The following CETP variants were observed in gnomAD, a reference collection of about 807,000 sequenced individuals.
CETP encodes BPI fold containing family F.
Under a neutral mutation model 66.5 loss-of-function variants are expected in CETP, and 56 were observed. That is an observed-to-expected ratio of 0.84 (90% CI 0.68 to 1.05). CETP has a LOEUF of 1.05. CETP is among the 50% of genes least tolerant of loss of function. The probability of loss-of-function intolerance (pLI) is 0.00; values close to 1 mark genes in which losing one functional copy is unlikely to be tolerated. For missense variants in CETP, 612 were observed against 609.6 expected (o/e 1.00, Z -0.04); for synonymous variants, 251 against 245.7 (o/e 1.02, Z -0.20).
chr16:56,974,404 G>A (rs1477055734), intron 9 of CETP, among the ~76,000 whole-genome samples: 1 of 152,172 alleles, frequency 6.6e-6, no homozygotes, highest in East Asian at 1.9e-4. Context: ...AGCTATGATG[G>A]CACCACTGCA....
rs1046780623 is a variant in CETP at position 56,978,342 on chromosome 16, C to T, written c.1146+87C>T. The T allele has an allele frequency of 1.5e-5, 22 of 1,503,412 alleles. 1 individual carries two copies. The highest frequency in any genetic ancestry group is 3.7e-4 in the Middle Eastern group (2 of 5,458). 93.1% of individuals were successfully genotyped at this position (1,503,412 alleles called of 1,614,324 possible). ...GGCAGGGGCCTGGGGGTCTCTGAAG[C>T]CTCCAGATCCTTCTCACCACCTCTG... On this transcript the variant is annotated intron_variant, in intron 11 of 15. Coordinates refer to ENST00000200676, the MANE Select transcript of CETP (RefSeq NM_000078.3).
At chr16:56,967,829 T>A (rs887034975) in intron 2 of CETP, among the ~76,000 whole-genome samples, 5 of 152,036 alleles carry the variant, frequency 3.3e-5, no homozygotes, top group African/African-American at 9.7e-5. Context: ...AGCCAGGCAG[T>A]GTTGGTGCAT....
Position 56,973,314 on chromosome 16 carries a change from G to A in CETP, c.751-17G>A, listed in dbSNP as rs202228107. ...TAGGGACACACAGGGTCCAGCCAGC[G>A]TCCTGGCTTCCTCCAGGGTCATTTC... On this transcript the variant is annotated splice_polypyrimidine_tract_variant and intron_variant, in intron 8 of 15. Coordinates refer to ENST00000200676, the MANE Select transcript of CETP (RefSeq NM_000078.3). 1.8e-4 allele frequency: 295 copies of A among 1,613,776 alleles called. 3 individuals carry two copies. In the East Asian group the frequency reaches 5.2e-3, roughly 28 times the overall value.
chr16:56,982,680 G>A (rs1017831352), intron 14 of CETP, among the ~76,000 whole-genome samples: 12 of 152,100 alleles, frequency 7.9e-5, no homozygotes, highest in African/African-American at 2.9e-4. Flanking sequence ...GAGGTGACTC[G>A]GATGGTAGAC....
At position 56,973,477 on chromosome 16, in the gene CETP, C is replaced by T; in HGVS notation, c.897C>T (p.Arg299=). The T allele has an allele frequency of 6.2e-7, 1 of 1,614,196 alleles. No individual in the cohort carries two copies. The highest frequency in any genetic ancestry group is 1.1e-5 in the South Asian group (1 of 91,088). ...CCAAGGTAGCTTTCCAGGATGGCCG[C>T]CTCATGCTCAGCCTGATGGGAGACG... ...SLAKVAFQDG[R]LMLSLMGDEF... is the part of the protein sequence containing the mutation. The change falls in exon 9 of 16, where the codon CGC becomes CGT. Residue 299 remains arginine (R), a synonymous_variant. Transcript: ENST00000200676.
intron 2 of CETP, among the ~76,000 whole-genome samples, chr16:56,966,590 GGTTTTTTT>G (rs1403306776): frequency 2.0e-5 from 3 of 151,940 alleles, no homozygotes; most frequent in South Asian, 4.2e-4. Context: ...TTTGTTTGTG[GGTTTTTTT>G]GTTTTTTTGT....
In CETP at chr16:56,981,233, C is replaced by T. The variant is rs766316135; in HGVS notation, c.1214+8C>T. On this transcript the variant is annotated splice_region_variant and intron_variant, in intron 12 of 15. Coordinates refer to ENST00000200676, the MANE Select transcript of CETP (RefSeq NM_000078.3). ...AAGCCTCTTGGATTTCCAGTATGTG[C>T]TGCAGAGAAGAGAGGGGGCGGTCAA... 6 of 1,607,450 alleles carry T rather than the reference C, an allele frequency of 3.7e-6. No individual in the cohort carries two copies. The highest frequency in any genetic ancestry group is 5.1e-6 in the Non-Finnish European group (6 of 1,173,902).
intron 2 of CETP, 150 bp downstream of exon 2, chr16:56,963,274 T>A: frequency 1.5e-6 from 1 of 679,260 alleles, no homozygotes; most frequent in Non-Finnish European, 2.7e-6. Context: ...ACACCTTCCC[T>A]ACCCCCACCC....
At chr16:56,980,962 C>G (rs575368420) in intron 11 of CETP, among the ~76,000 whole-genome samples, 196 bp from the exon 12 acceptor site, 1 of 152,252 alleles carries the variant, frequency 6.6e-6, no homozygotes, top group Non-Finnish European at 1.5e-5. Flanking sequence ...AGTGACTTCT[C>G]AGGTCCTAAC....
At chr16:56,968,627 A>C (rs1183309238) in intron 2 of CETP, among the ~76,000 whole-genome samples, 1 of 152,120 alleles carries the variant, frequency 6.6e-6, no homozygotes, top group African/African-American at 2.4e-5. Context: ...ATTTGTTGAC[A>C]TACAATTGTT....
At chr16:56,970,651 TCATGTTACCAATG>T (rs777211754) in intron 5 of CETP, among the ~76,000 whole-genome samples, 4 of 152,234 alleles carry the variant, frequency 2.6e-5, no homozygotes, top group Non-Finnish European at 4.4e-5. Context: ...GAGTCCCTAG[TCATGTTACCAATG>T]CCAAACCTGG....
At chr16:56,969,884 G>A in intron 4 of CETP, 30 bp from the exon 5 acceptor site, 1 of 1,609,868 alleles carries the variant, frequency 6.2e-7, no homozygotes, top group Non-Finnish European at 8.5e-7. Context: ...AGCGGAGGCT[G>A]CCCTGAGGTC....
chr16:56,981,091 G>T, intron 11 of CETP, 67 bp from the exon 12 acceptor site: 1 of 1,180,538 alleles, frequency 8.5e-7, no homozygotes. Flanking sequence ...GGGGCCCTGA[G>T]CTAGGAGGGT....
At chr16:56,974,681 A>G (rs1416789465) in intron 9 of CETP, among the ~76,000 whole-genome samples, 1 of 152,194 alleles carries the variant, frequency 6.6e-6, no homozygotes, top group Non-Finnish European at 1.5e-5. Context: ...CTGTTTTGCA[A>G]ACAAAAAAAC....
intron 11 of CETP, among the ~76,000 whole-genome samples, chr16:56,978,626 A>T (rs1451408229): frequency 2.0e-5 from 3 of 151,648 alleles, no homozygotes; most frequent in Non-Finnish European, 4.4e-5. Flanking sequence ...GACCACAGAC[A>T]AACACCACCA....
intron 10 of CETP, among the ~76,000 whole-genome samples, chr16:56,977,519 G>T (rs2056158109): frequency 2.6e-5 from 4 of 152,146 alleles, no homozygotes; most frequent in African/African-American, 9.7e-5. Flanking sequence ...GACTAGGTCA[G>T]GTCCCCTCGT....
At chr16:56,966,425 G>T (rs1287270930) in intron 2 of CETP, among the ~76,000 whole-genome samples, 1 of 152,158 alleles carries the variant, frequency 6.6e-6, no homozygotes, top group Non-Finnish European at 1.5e-5. Flanking sequence ...CAGAGCTCAA[G>T]AACTTGAAAG....
intron 2 of CETP, among the ~76,000 whole-genome samples, chr16:56,969,098 T>G (rs796347147): frequency 3.9e-5 from 6 of 152,190 alleles, no homozygotes; most frequent in African/African-American, 1.4e-4. Flanking sequence ...CCTCTTCCAC[T>G]TTTCGGTACC....
intron 2 of CETP, among the ~76,000 whole-genome samples, chr16:56,966,982 G>T (rs557318104): frequency 1.3e-5 from 2 of 152,140 alleles, no homozygotes; most frequent in African/African-American, 4.8e-5. Context: ...CGGAGGTCAA[G>T]AATTTAGTCA....
Sources: gnomAD v4.1 joint callset for allele counts (sites outside exome capture counted in the v4.1 genomes callset) on GRCh38, gnomAD v4.1.1 for gene constraint, MANE v1.5 for transcripts, NCBI Gene and HGNC (gene_info 2026-07-23, HGNC 2026-07-21) for gene names.